The following CDCA7L variants were observed in gnomAD, a reference collection of about 807,000 sequenced individuals.
CDCA7L encodes the protein cell division cycle-associated 7-like protein.
Under a neutral mutation model 57.4 loss-of-function variants are expected in CDCA7L, and 44 were observed. The observed-to-expected ratio is 0.77, with a 90% CI of 0.60 to 0.98. The LOEUF (loss-of-function observed/expected upper bound fraction) is 0.98. Ranked by LOEUF, CDCA7L falls within the 50% of genes least tolerant of loss-of-function variation. The pLI is 0.00. For missense variants in CDCA7L, 644 were observed against 580.6 expected, an observed-to-expected ratio of 1.11 and a Z score of -1.12; for synonymous variants, 236 against 202.8, an observed-to-expected ratio of 1.16 and a Z score of -1.39.
chr7:21,907,967 C>T (rs1785192657), intron 4 of CDCA7L, among the ~76,000 whole-genome samples, 163 bp downstream of exon 4: 1 of 152,194 alleles, frequency 6.6e-6, no homozygotes, highest in Admixed American at 6.5e-5. Flanking sequence ...AATAGTTGCT[C>T]TGGGTTCTGG....
chr7:21,902,211 G>T lies in CDCA7L; in HGVS notation c.*111C>A. ...AACAAAAAATAGTAATTTCTACAAA[G>T]AATTTCTGTATAAAAACACAACTGT... On this transcript the variant is annotated 3_prime_UTR_variant, in exon 10 of 10. Transcript: ENST00000406877. 1 of 1,015,664 alleles carries T rather than the reference G, an allele frequency of 9.8e-7. No homozygotes were observed. Among genetic ancestry groups the T allele is most frequent in the Non-Finnish European group, 1.5e-6 (1 of 650,508 alleles). The allele number at this position is 1,015,664 out of a possible 1,614,324, so 62.9% of individuals were successfully genotyped here.
chr7:21,923,475 T>G (rs567800575), intron 1 of CDCA7L, among the ~76,000 whole-genome samples: 12 of 152,196 alleles, frequency 7.9e-5, no homozygotes, highest in Middle Eastern at 3.4e-3. Context: ...ACAGTCAGGG[T>G]GTCAGTGAGA....
intron 2 of CDCA7L, 133 bp from the exon 3 acceptor site, chr7:21,911,887 A>C: frequency 1.5e-6 from 1 of 687,734 alleles, no homozygotes; most frequent in South Asian, 1.9e-5. Context: ...CAACAATGTG[A>C]ATGTACTTAA....
At chr7:21,903,146 C>A in intron 8 of CDCA7L, 32 bp from the exon 9 acceptor site, 1 of 1,603,286 alleles carries the variant, frequency 6.2e-7, no homozygotes, top group Non-Finnish European at 8.5e-7. Context: ...ACACTTCGCT[C>A]ATTATCTACA....
At position 21,937,109 on chromosome 7, in the gene CDCA7L, T is replaced by C. The variant is rs184499962; in HGVS notation, c.24+8672A>G. ...TTAACCAAAAAGGCGAAAAAAGCCTTGTACACTGAAAACTACATCCCCGAA... is the reference window on the plus strand; with the variant it reads ...TTAACCAAAAAGGCGAAAAAAGCCTCGTACACTGAAAACTACATCCCCGAA... On this transcript the variant is annotated intron_variant, in intron 1 of 9. Transcript: ENST00000406877. Among the ~76,000 whole-genome samples the C allele has an allele frequency of 1.4e-3, 212 of 152,178 alleles. 1 individual carries two copies. The highest frequency in any genetic ancestry group is 4.4e-3 in the African/African-American group (182 of 41,526).
chr7:21,945,896 G>A lies in CDCA7L; in HGVS notation c.-92C>T. ...GGCGCACCAAGAACGCCCCGCGCCC[G>A]AGCAGCTAGCGCGCTCCGCCCGGAG... On this transcript the variant is annotated 5_prime_UTR_variant, in exon 1 of 10. Coordinates refer to ENST00000406877, the MANE Select transcript of CDCA7L (RefSeq NM_018719.5). 2 of 1,402,128 alleles carry A rather than the reference G, an allele frequency of 1.4e-6. No individual in the cohort carries two copies. The highest frequency in any genetic ancestry group is 1.4e-5 in the South Asian group (1 of 73,382). The allele number at this position is 1,402,128 out of a possible 1,614,324, so 86.9% of individuals were successfully genotyped here.
chr7:21,932,179 A>G (rs1005140405), intron 1 of CDCA7L, among the ~76,000 whole-genome samples: 5 of 152,244 alleles, frequency 3.3e-5, no homozygotes, highest in South Asian at 4.1e-4. Context: ...AAAATATTCC[A>G]TGCTCATGGA....
Position 21,901,085 on chromosome 7 carries a change from T to G in CDCA7L, c.*1237A>C. On this transcript the variant is annotated 3_prime_UTR_variant, in exon 10 of 10. Transcript: ENST00000406877. ...CTGGCATGCCCTATGCCGGTCATCT[T>G]TGCAAAAGCCACCCCCGTGGACAGA... The G allele has an allele frequency of 6.2e-7, 1 of 1,613,708 alleles. No individual in the cohort carries two copies. The highest frequency in any genetic ancestry group is 8.5e-7 in the Non-Finnish European group (1 of 1,179,692).
At chr7:21,922,220 T>G (rs566548504) in intron 1 of CDCA7L, among the ~76,000 whole-genome samples, 2 of 152,308 alleles carry the variant, frequency 1.3e-5, no homozygotes, top group South Asian at 2.1e-4. Flanking sequence ...AGCTCCCCTT[T>G]CAGAAAGGAC....
At position 21,901,556 on chromosome 7, in the gene CDCA7L, AAG is replaced by A. The variant is rs1689910057; in HGVS notation, c.*764_*765del. 4.4e-6 allele frequency: 1 copy of A among 224,754 alleles called. No homozygotes were observed. The highest frequency in any genetic ancestry group is 8.6e-6 in the Non-Finnish European group (1 of 116,332). 13.9% of individuals were successfully genotyped at this position (224,754 alleles called of 1,614,324 possible). The stretch of plus-strand genomic sequence containing the variant: ...TGCACTCCCTCCTGGGCAACAGAAC[AAG>A]ACTCCATCTCAAAAAAAAAAAAGTA... On this transcript the variant is annotated 3_prime_UTR_variant, in exon 10 of 10. Transcript: ENST00000406877.
chr7:21,918,168 C>A (rs1366238993), intron 1 of CDCA7L, among the ~76,000 whole-genome samples: 1 of 151,796 alleles, frequency 6.6e-6, no homozygotes, highest in Non-Finnish European at 1.5e-5. Context: ...GTCAAGTTAT[C>A]CCACTATTAA....
chr7:21,940,296 A>C, intron 1 of CDCA7L: 1 of 985,150 alleles, frequency 1.0e-6, no homozygotes, highest in Non-Finnish European at 1.2e-6. Context: ...ATGACTTCCA[A>C]ACTATGCCTG....
chr7:21,902,972 ACTTACCTCTCCAGATATTC>A lies in CDCA7L; in HGVS notation c.1321_1334+5del. 1 of 1,613,424 alleles carries A rather than the reference ACTTACCTCTCCAGATATTC, an allele frequency of 6.2e-7. No homozygotes were observed. The highest frequency in any genetic ancestry group is 8.5e-7 in the Non-Finnish European group (1 of 1,179,588). ...CTGTTTTGTAAGCTGCTAGAGACTT[ACTTACCTCTCCAGATATTC>A]CTTAACATTGTCATAACCATAAAAC... On this transcript the variant is annotated splice_donor_variant and splice_donor_5th_base_variant and coding_sequence_variant and intron_variant, in exon 9 of 10. Transcript: ENST00000406877. LOFTEE classifies it high-confidence loss of function.
intron 7 of CDCA7L, among the ~76,000 whole-genome samples, chr7:21,904,919 T>G (rs891165534): frequency 6.6e-6 from 1 of 152,206 alleles, no homozygotes; most frequent in African/African-American, 2.4e-5. Flanking sequence ...GACAGGTGAC[T>G]GAGGGGCAAT....
At position 21,901,250 on chromosome 7, in the gene CDCA7L, C is replaced by T. The variant is rs72658840; in HGVS notation, c.*1072G>A. On this transcript the variant is annotated 3_prime_UTR_variant, in exon 10 of 10. Transcript: ENST00000406877. ...GCTGGAGTGGCTCTGCTTCTAGAAG[C>T]GTAAGGTAACACTGGCATTCCTCTA... The T allele has an allele frequency of 5.4e-3, 8,579 of 1,601,468 alleles. 310 individuals are homozygous for T. The African/African-American group carries it at 0.087, about 16-fold the overall frequency.
At chr7:21,905,688 A>G in intron 6 of CDCA7L, 57 bp from the exon 7 acceptor site, 2 of 1,555,700 alleles carry the variant, frequency 1.3e-6, no homozygotes, top group South Asian at 1.2e-5. Flanking sequence ...TAAAAAAATT[A>G]TAAATATTTT....
chr7:21,901,306 A>AGCCTCTGCTGGAGT lies in CDCA7L; in HGVS notation c.*1015_*1016insACTCCAGCAGAGGC. 5 of 1,503,572 alleles carry AGCCTCTGCTGGAGT rather than the reference A, an allele frequency of 3.3e-6. No homozygotes were observed. Among genetic ancestry groups the AGCCTCTGCTGGAGT allele is most frequent in the South Asian group, 1.4e-5 (1 of 70,130 alleles). 93.1% of individuals were successfully genotyped at this position (1,503,572 alleles called of 1,614,324 possible). A position where few individuals can be genotyped will look rare whatever the true frequency, so the allele number is the denominator to read the frequency against. ...TGCTGGAGTGCAGTGAGGATTTTCT[A>AGCCTCTGCTGGAGT]GCATGTTGCTGCACTGTTCCCATGC... On this transcript the variant is annotated 3_prime_UTR_variant, in exon 10 of 10. Coordinates refer to ENST00000406877, the MANE Select transcript of CDCA7L (RefSeq NM_018719.5).
Position 21,904,144 on chromosome 7 carries a change from T to A in CDCA7L, c.1163A>T (p.Tyr388Phe). 1 of 1,611,878 alleles carries A rather than the reference T, an allele frequency of 6.2e-7. No individual in the cohort carries two copies. Among genetic ancestry groups the A allele is most frequent in the Non-Finnish European group, 8.5e-7 (1 of 1,179,038 alleles). Residue 388 changes from tyrosine to phenylalanine, a missense_variant, in exon 8 of 10, where the codon TAT (tyrosine) becomes TTT (phenylalanine). Physicochemically the swap from Tyr to Phe is conservative, Grantham distance 22. Transcript: ENST00000406877. ...CAATGCCGATCTGACATCCTCCCCA[T>A]AGCGGTTCCGCAGGCATGGTCCACA... ...QFCGPCLRNR[Y>F]GEDVRSALLD...
intron 3 of CDCA7L, among the ~76,000 whole-genome samples, chr7:21,911,402 GAGA>G (rs960848463): frequency 6.6e-6 from 1 of 152,136 alleles, no homozygotes; most frequent in African/African-American, 2.4e-5. Flanking sequence ...AAGGCACGAG[GAGA>G]AGATGAATGG....
Sources: allele counts gnomAD v4.1 joint callset (sites outside exome capture counted in the v4.1 genomes callset), GRCh38; gene constraint gnomAD v4.1.1; transcripts MANE v1.5; gene names NCBI Gene and HGNC (gene_info 2026-07-23, HGNC 2026-07-21).